The following UROS variants were observed in gnomAD, a reference collection of about 807,000 sequenced individuals.
UROS encodes the protein uroporphyrinogen-III synthase.
In UROS, 18 loss-of-function variants were observed where a neutral mutation model predicts 33.0. That is an observed-to-expected ratio of 0.55 (90% CI 0.38 to 0.81). The LOEUF (loss-of-function observed/expected upper bound fraction) is 0.81, where lower values mean the gene tolerates loss of function less well. Among genes scored for constraint, UROS ranks in the 30% least tolerant of loss-of-function variants. UROS has a pLI of 0.00. For missense variants in UROS, 293 were observed against 314.9 expected (o/e 0.93, Z 0.53); for synonymous variants, 114 against 121.1 (o/e 0.94, Z 0.38).
At position 125,810,811 on chromosome 10, in the gene UROS, A is replaced by G. The variant is rs1852740346; in HGVS notation, c.319+1403T>C. ...ATCTGAAAAGGTGAGCTAAAATAGAATGTTCAAAGTTGGGTGATTGACTTT... is the reference window on the plus strand; with the variant it reads ...ATCTGAAAAGGTGAGCTAAAATAGAGTGTTCAAAGTTGGGTGATTGACTTT... On this transcript the variant is annotated intron_variant, in intron 5 of 9. Transcript: ENST00000368797. 2.0e-5 allele frequency among the ~76,000 whole-genome samples: 3 copies of G among 152,222 alleles called. No individual in the cohort carries two copies. The South Asian group carries it at 6.2e-4, about 32-fold the overall frequency.
chr10:125,822,382 GC>G (rs1191931245), intron 1 of UROS, among the ~76,000 whole-genome samples: 1 of 151,378 alleles, frequency 6.6e-6, no homozygotes, highest in Non-Finnish European at 1.5e-5. Flanking sequence ...GAGTGCGGTG[GC>G]GCGATCTCGG....
rs376217572 is a variant in UROS, at chr10:125,801,364, GAA to G, written c.395-3221_395-3220del. 4.7e-4 allele frequency among the ~76,000 whole-genome samples: 72 copies of G among 152,344 alleles called. 1 individual carries two copies. In the South Asian group the frequency reaches 7.2e-3, roughly 15 times the overall value. On this transcript the variant is annotated intron_variant, in intron 6 of 9. Coordinates refer to ENST00000368797, the MANE Select transcript of UROS (RefSeq NM_000375.3). ...CCCATTAGAGGAGATATCTGGGAAA[GAA>G]GGAGAATCTATCAGAACAATGAGTT...
intron 4 of UROS, among the ~76,000 whole-genome samples, chr10:125,813,828 T>C (rs1340080554): frequency 6.6e-6 from 1 of 152,180 alleles, no homozygotes; most frequent in African/African-American, 2.4e-5. Flanking sequence ...AAGAGGTGAA[T>C]GTGTGTATGA....
At chr10:125,800,523 G>T (rs1851755722) in intron 6 of UROS, among the ~76,000 whole-genome samples, 2 of 151,784 alleles carry the variant, frequency 1.3e-5, no homozygotes, top group Non-Finnish European at 2.9e-5. Flanking sequence ...AAACCTGCTT[G>T]GAGAATCCCT....
intron 5 of UROS, among the ~76,000 whole-genome samples, chr10:125,810,366 G>A (rs971462322): frequency 7.2e-5 from 11 of 152,298 alleles, no homozygotes; most frequent in South Asian, 2.1e-4. Context: ...TAGCCCTCTC[G>A]GGAGGCCCAT....
At chr10:125,787,283 C>G (rs1044377921), downstream of UROS, among the ~76,000 whole-genome samples, 1 of 152,190 alleles carries the variant, frequency 6.6e-6, no homozygotes, top group Non-Finnish European at 1.5e-5. Flanking sequence ...GTTTTTCCTC[C>G]TCCTTCAATG....
intron 4 of UROS, 48 bp downstream of exon 4, chr10:125,814,986 T>G (rs551201601): frequency 1.9e-6 from 3 of 1,596,812 alleles, no homozygotes. Context: ...GCAGGAGAAA[T>G]AAGAGTAAAT....
At chr10:125,792,754 G>A (rs1483423350) in intron 9 of UROS, 1 of 152,346 alleles carries the variant, frequency 6.6e-6, no homozygotes, top group African/African-American at 2.4e-5. Flanking sequence ...CCTGGGGAGG[G>A]AGGACAGTAG....
intron 5 of UROS, 111 bp from the exon 6 acceptor site, chr10:125,807,598 G>C (rs1852446423): frequency 1.2e-6 from 1 of 828,178 alleles, no homozygotes; most frequent in Non-Finnish European, 2.0e-6. Flanking sequence ...AAATCACATA[G>C]AGGATGTCTT....
chr10:125,818,384 G>A (rs1481050987), intron 1 of UROS, among the ~76,000 whole-genome samples: 1 of 152,006 alleles, frequency 6.6e-6, no homozygotes, highest in Admixed American at 6.6e-5. Context: ...TCCTAACTAC[G>A]CAGGAGGCTG....
intron 5 of UROS, among the ~76,000 whole-genome samples, chr10:125,810,695 G>A (rs1202865274): frequency 3.3e-5 from 5 of 152,176 alleles, no homozygotes; most frequent in Admixed American, 3.3e-4. Context: ...CCAGGCTCCT[G>A]CTGAGATTCT....
At chr10:125,800,525 A>T (rs1851755932) in intron 6 of UROS, among the ~76,000 whole-genome samples, 1 of 151,104 alleles carries the variant, frequency 6.6e-6, no homozygotes, top group Non-Finnish European at 1.5e-5. Context: ...ACCTGCTTGG[A>T]GAATCCCTCT....
At chr10:125,791,563 AAACAATCC>A (rs1451165768) in intron 9 of UROS, 1 of 152,222 alleles carries the variant, frequency 6.6e-6, no homozygotes, top group Non-Finnish European at 1.5e-5. Flanking sequence ...TGAAAGTGGA[AAACAATCC>A]AAATATCCAT....
chr10:125,787,739 C>A (rs1273325867), downstream of UROS, among the ~76,000 whole-genome samples: 1 of 152,146 alleles, frequency 6.6e-6, no homozygotes, highest in African/African-American at 2.4e-5. Context: ...CTTCATGGAA[C>A]CATCACCATA....
At position 125,788,863 on chromosome 10, in the gene UROS, C is replaced by T; in HGVS notation, c.*5G>A. On this transcript the variant is annotated 3_prime_UTR_variant, in exon 10 of 10. Transcript: ENST00000368797. ...GCTGCATGGGGCCAGCGCTAGGTGGCTGACTCAGCAGCAGCCATGGGGCTG... is the reference window on the plus strand; with the variant it reads ...GCTGCATGGGGCCAGCGCTAGGTGGTTGACTCAGCAGCAGCCATGGGGCTG... 6.3e-6 allele frequency: 10 copies of T among 1,582,290 alleles called. No homozygotes were observed. The highest frequency in any genetic ancestry group is 8.6e-6 in the Non-Finnish European group (10 of 1,166,158).
intron 9 of UROS, among the ~76,000 whole-genome samples, chr10:125,790,781 C>G (rs1439172847): frequency 9.6e-6 from 1 of 104,468 alleles, no homozygotes; most frequent in Non-Finnish European, 2.0e-5. Flanking sequence ...AAAACTCCAT[C>G]TCAAAAAAAA....
At chr10:125,821,759 CTTTT>C (rs1174768624) in intron 1 of UROS, among the ~76,000 whole-genome samples, 1 of 152,122 alleles carries the variant, frequency 6.6e-6, no homozygotes, top group Non-Finnish European at 1.5e-5. Flanking sequence ...TTTGATGGGT[CTTTT>C]TTGACAGCTT....
chr10:125,818,884 GAA>G (rs1173028514), intron 1 of UROS, among the ~76,000 whole-genome samples: 1 of 152,220 alleles, frequency 6.6e-6, no homozygotes, highest in Non-Finnish European at 1.5e-5. Context: ...GAAACAGAAA[GAA>G]TGATTAATTT....
rs1442507186 is a variant in UROS, at chr10:125,788,921, G to T, written c.745C>A (p.Gln249Lys). The T allele has an allele frequency of 6.2e-7, 1 of 1,608,520 alleles. No individual in the cohort carries two copies. Among genetic ancestry groups the T allele is most frequent in the East Asian group, 2.2e-5 (1 of 44,704 alleles). Reference sequence around the variant, plus strand: ...TTCCTGATGCCAGTGGCCAGGGCTTGTGGCGTGGGGCTCTCTGCAGTGCAG... The same window carrying T: ...TTCCTGATGCCAGTGGCCAGGGCTTTTGGCGTGGGGCTCTCTGCAGTGCAG... ...VSCTAESPTP[Q>K]ALATGIRKAL... The change falls in exon 10 of 10, where the codon CAA becomes AAA. Residue 249 changes from glutamine (Q) to lysine (K), a missense_variant. Transcript: ENST00000368797.
Sources: allele counts gnomAD v4.1 joint callset (sites outside exome capture counted in the v4.1 genomes callset), GRCh38; gene constraint gnomAD v4.1.1; transcripts MANE v1.5; gene names NCBI Gene and HGNC (gene_info 2026-07-23, HGNC 2026-07-21).